The following CADM2 variants were observed in gnomAD, a reference collection of about 807,000 sequenced individuals.
CADM2 encodes the protein immunoglobulin superfamily member 4D.
CADM2 carries 12 observed loss-of-function variants against 49.8 expected under a neutral mutation model. The ratio of observed to expected loss-of-function variants is 0.24; its 90% CI spans 0.15 to 0.39. CADM2 has a LOEUF of 0.39. CADM2 is among the 10% of genes least tolerant of loss of function. The probability of loss-of-function intolerance (pLI) is 1.00; values close to 1 mark genes in which losing one functional copy is unlikely to be tolerated. For synonymous variants in CADM2, 214 were observed against 175.4 expected, an observed-to-expected ratio of 1.22 and a Z score of -1.74; for missense variants, 378 against 492.3, an observed-to-expected ratio of 0.77 and a Z score of 2.20.
At chr3:85,039,293 A>G (rs561014660) in intron 1 of CADM2, among the ~76,000 whole-genome samples, 8 of 152,158 alleles carry the variant, frequency 5.3e-5, no homozygotes, top group Non-Finnish European at 1.2e-4. Context: ...CCTGGCTGTA[A>G]TAAGATTCTT....
At chr3:85,526,168 C>A (rs971137717) in intron 1 of CADM2, among the ~76,000 whole-genome samples, 2 of 151,996 alleles carry the variant, frequency 1.3e-5, no homozygotes, top group African/African-American at 4.8e-5. Context: ...TATACCTCAT[C>A]CCATTTGTCT....
intron 1 of CADM2, among the ~76,000 whole-genome samples, chr3:85,040,194 T>C (rs924136404): frequency 3.9e-5 from 6 of 152,194 alleles, no homozygotes; most frequent in African/African-American, 1.4e-4. Flanking sequence ...AGGTTTCCAT[T>C]CTTTCCAAAC....
At chr3:85,527,841 A>G (rs950391411) in intron 1 of CADM2, among the ~76,000 whole-genome samples, 2 of 152,232 alleles carry the variant, frequency 1.3e-5, no homozygotes, top group African/African-American at 4.8e-5. Flanking sequence ...ACTCTGAATC[A>G]TTATAACGAG....
At chr3:85,685,066 C>T (rs1036722195) in intron 1 of CADM2, among the ~76,000 whole-genome samples, 2 of 152,180 alleles carry the variant, frequency 1.3e-5, no homozygotes, top group African/African-American at 4.8e-5. Context: ...TCCTGGCTAA[C>T]ACGGTGAAAC....
At chr3:85,894,268 G>A (rs1345253835) in intron 5 of CADM2, among the ~76,000 whole-genome samples, 1 of 152,092 alleles carries the variant, frequency 6.6e-6, no homozygotes, top group Non-Finnish European at 1.5e-5. Flanking sequence ...AACACCGCAT[G>A]TTCTCACTCA....
chr3:85,812,326 G>A (rs1356329266), intron 3 of CADM2, among the ~76,000 whole-genome samples: 1 of 151,886 alleles, frequency 6.6e-6, no homozygotes, highest in African/African-American at 2.4e-5. Context: ...CTGAAAACAG[G>A]CTTTTTTGAT....
rs535906881 is a variant in CADM2, at chr3:85,107,914, C to T, written c.61+148246C>T. 2.6e-5 allele frequency among the ~76,000 whole-genome samples: 4 copies of T among 151,924 alleles called. No homozygotes were observed. The East Asian group carries it at 5.8e-4, about 22-fold the overall frequency. The stretch of plus-strand genomic sequence containing the variant: ...TAGGGTTTTGCAATGTTTGGCCAGG[C>T]TGGTCTCGAACTCCTGACTTCAGGT... On this transcript the variant is annotated intron_variant, in intron 1 of 9. Coordinates refer to ENST00000383699, the MANE Select transcript of CADM2 (RefSeq NM_001167675.2).
chr3:85,972,755 C>T (rs1188769656), intron 8 of CADM2, among the ~76,000 whole-genome samples: 1 of 151,704 alleles, frequency 6.6e-6, no homozygotes, highest in Non-Finnish European at 1.5e-5. Flanking sequence ...AGGTGCTGTA[C>T]CACTCTTCAG....
intron 1 of CADM2, among the ~76,000 whole-genome samples, chr3:85,704,522 AC>A: frequency 6.6e-6 from 1 of 152,186 alleles, no homozygotes; most frequent in Non-Finnish European, 1.5e-5. Context: ...ATCACATGGC[AC>A]AGAGAAGACA....
intron 8 of CADM2, among the ~76,000 whole-genome samples, chr3:86,021,091 C>G (rs903202025): frequency 3.3e-5 from 5 of 152,126 alleles, no homozygotes; most frequent in Admixed American, 1.3e-4. Context: ...CCTCCGCCTC[C>G]CAGGTTTAAG....
intron 3 of CADM2, among the ~76,000 whole-genome samples, chr3:85,830,866 G>A (rs1399963935): frequency 2.0e-5 from 3 of 149,850 alleles, no homozygotes; most frequent in South Asian, 2.1e-4. Flanking sequence ...AGGCCCAGGG[G>A]GTACATGTGC....
chr3:85,230,273 G>C (rs556181015), intron 1 of CADM2, among the ~76,000 whole-genome samples: 4 of 152,144 alleles, frequency 2.6e-5, no homozygotes, highest in Non-Finnish European at 5.9e-5. Context: ...GATGGATGTG[G>C]ATTCCTACAT....
At chr3:85,848,466 A>T (rs781694491) in intron 3 of CADM2, among the ~76,000 whole-genome samples, 24 of 152,290 alleles carry the variant, frequency 1.6e-4, no homozygotes, top group Non-Finnish European at 2.2e-4. Flanking sequence ...ATCAAAATTT[A>T]AAAAAGTGAA....
intron 1 of CADM2, among the ~76,000 whole-genome samples, chr3:85,403,240 C>T (rs184157873): frequency 1.3e-5 from 2 of 152,140 alleles, no homozygotes; most frequent in East Asian, 1.9e-4. Context: ...GTGGATGAAG[C>T]GACATTGTAT....
At chr3:85,203,572 G>A (rs2041561532) in intron 1 of CADM2, among the ~76,000 whole-genome samples, 1 of 152,112 alleles carries the variant, frequency 6.6e-6, no homozygotes, top group African/African-American at 2.4e-5. Context: ...TTGAAATACT[G>A]TGAAAAAATA....
intron 3 of CADM2, among the ~76,000 whole-genome samples, chr3:85,808,140 A>G (rs191777320): frequency 6.6e-6 from 1 of 152,334 alleles, no homozygotes; most frequent in East Asian, 1.9e-4. Flanking sequence ...ATTCCACTTC[A>G]TTTCTGTACA....
chr3:86,028,408 G>C (rs917077401), intron 8 of CADM2, among the ~76,000 whole-genome samples: 12 of 151,960 alleles, frequency 7.9e-5, no homozygotes, highest in Admixed American at 3.3e-4. Context: ...AATAACAATG[G>C]CTAACAGTTG....
intron 1 of CADM2, among the ~76,000 whole-genome samples, chr3:85,507,340 A>C (rs2040402457): frequency 6.6e-6 from 1 of 151,802 alleles, no homozygotes; most frequent in Non-Finnish European, 1.5e-5. Context: ...GGCGTGCACC[A>C]CCATGCCTGG....
At chr3:85,186,041 C>T (rs898725659) in intron 1 of CADM2, among the ~76,000 whole-genome samples, 3 of 152,090 alleles carry the variant, frequency 2.0e-5, no homozygotes, top group Non-Finnish European at 2.9e-5. Context: ...GGCCTCAGCA[C>T]GGAACTTGAT....
Sources: gnomAD v4.1 joint callset for allele counts (sites outside exome capture counted in the v4.1 genomes callset) on GRCh38, gnomAD v4.1.1 for gene constraint, MANE v1.5 for transcripts, NCBI Gene and HGNC (gene_info 2026-07-23, HGNC 2026-07-21) for gene names.